Variants in COG5 observed in about 807,000 individuals in gnomAD.
COG5 encodes conserved oligomeric Golgi complex subunit 5.
COG5 carries 86 observed loss-of-function variants against 110.4 expected under a neutral mutation model. That is an observed-to-expected ratio of 0.78 (90% confidence interval 0.65 to 0.93). The LOEUF (loss-of-function observed/expected upper bound fraction) is 0.93, where lower values mean the gene tolerates loss of function less well. COG5 is among the 40% of genes least tolerant of loss of function. The probability of loss-of-function intolerance (pLI) is 0.00; values close to 1 mark genes in which losing one functional copy is unlikely to be tolerated. For synonymous variants in COG5, 360 were observed against 334.6 expected, an observed-to-expected ratio of 1.08 and a Z score of -0.83; for missense variants, 1,077 against 987.0, an observed-to-expected ratio of 1.09 and a Z score of -1.22.
chr7:107,273,116 C>A (rs1033826920), intron 14 of COG5, among the ~76,000 whole-genome samples: 1 of 152,156 alleles, frequency 6.6e-6, no homozygotes, highest in African/African-American at 2.4e-5. Flanking sequence ...CAATTCAGAA[C>A]CCTATCTACT....
At chr7:107,352,788 G>T (rs1405239892) in intron 10 of COG5, among the ~76,000 whole-genome samples, 1 of 152,084 alleles carries the variant, frequency 6.6e-6, no homozygotes, top group Non-Finnish European at 1.5e-5. Context: ...TTAGTTTAAT[G>T]CATCCTATAC....
At chr7:107,353,285 C>T (rs937725109) in intron 10 of COG5, among the ~76,000 whole-genome samples, 1 of 151,604 alleles carries the variant, frequency 6.6e-6, no homozygotes, top group African/African-American at 2.4e-5. Flanking sequence ...ATTAGCCGGG[C>T]GAGGTGGCGG....
At chr7:107,240,907 T>C (rs1584560258) in intron 17 of COG5, among the ~76,000 whole-genome samples, 1 of 152,312 alleles carries the variant, frequency 6.6e-6, no homozygotes, top group East Asian at 1.9e-4. Context: ...GACTGCTGTA[T>C]ACATGAATCT....
At chr7:107,205,661 G>C (rs1440573999) in intron 21 of COG5, among the ~76,000 whole-genome samples, 1 of 152,154 alleles carries the variant, frequency 6.6e-6, no homozygotes, top group African/African-American at 2.4e-5. Flanking sequence ...CTTATCCTTA[G>C]AATACCCTTC....
intron 19 of COG5, among the ~76,000 whole-genome samples, chr7:107,224,958 TA>T (rs1272962294): frequency 6.6e-6 from 1 of 152,246 alleles, no homozygotes; most frequent in Non-Finnish European, 1.5e-5. Context: ...AATAGTCCAC[TA>T]ATATCACCAT....
chr7:107,263,829 C>T (rs185259841), intron 14 of COG5, among the ~76,000 whole-genome samples: 13 of 152,222 alleles, frequency 8.5e-5, no homozygotes, highest in Admixed American at 4.6e-4. Flanking sequence ...GCTATAATAA[C>T]ATGAAGAATG....
At chr7:107,462,068 G>A (rs978719480) in intron 6 of COG5, among the ~76,000 whole-genome samples, 4 of 152,078 alleles carry the variant, frequency 2.6e-5, no homozygotes, top group Non-Finnish European at 4.4e-5. Context: ...AAAAGAACAA[G>A]GGAAAAACAA....
At chr7:107,372,220 CTAA>C (rs1814239247) in intron 8 of COG5, among the ~76,000 whole-genome samples, 1 of 152,140 alleles carries the variant, frequency 6.6e-6, no homozygotes, top group African/African-American at 2.4e-5. Context: ...GTCCAGAAAG[CTAA>C]AGTAGAGACG....
chr7:107,494,788 G>T (rs543570482), intron 6 of COG5, among the ~76,000 whole-genome samples: 1 of 152,182 alleles, frequency 6.6e-6, no homozygotes, highest in South Asian at 2.1e-4. Flanking sequence ...TCCAAGTCTG[G>T]TCATTTTTGT....
At chr7:107,410,937 A>G (rs1293848323) in intron 7 of COG5, among the ~76,000 whole-genome samples, 1 of 152,124 alleles carries the variant, frequency 6.6e-6, no homozygotes, top group African/African-American at 2.4e-5. Flanking sequence ...AGGGCACTAG[A>G]CTCAAGTTTG....
At chr7:107,370,008 C>A (rs1343526535) in intron 8 of COG5, among the ~76,000 whole-genome samples, 1 of 151,992 alleles carries the variant, frequency 6.6e-6, no homozygotes, top group African/African-American at 2.4e-5. Context: ...ATTCTTTATC[C>A]ATTTTTTTCT....
At chr7:107,228,306 C>CAAA (rs201009011) in intron 19 of COG5, among the ~76,000 whole-genome samples, 703 of 67,472 alleles carry the variant, frequency 0.01, 15 homozygotes, top group African/African-American at 0.037. Context: ...CACCCGGTCT[C>CAAA]AAAAAAAAAA....
intron 6 of COG5, among the ~76,000 whole-genome samples, chr7:107,463,916 C>G (rs957760348): frequency 6.6e-6 from 1 of 152,060 alleles, no homozygotes; most frequent in Non-Finnish European, 1.5e-5. Context: ...ACCCTGCAGT[C>G]CTCAGTGCCT....
intron 5 of COG5, among the ~76,000 whole-genome samples, chr7:107,529,024 T>TAAAAAAAAA (rs58281094): frequency 0.096 from 9,342 of 97,560 alleles, 406 homozygotes; most frequent in African/African-American, 0.19. Context: ...AATACTTAAA[T>TAAAAAAAAA]AAAAAAAAAA....
chr7:107,425,668 C>T (rs1017144290), intron 6 of COG5, among the ~76,000 whole-genome samples: 1 of 151,906 alleles, frequency 6.6e-6, no homozygotes, highest in Non-Finnish European at 1.5e-5. Flanking sequence ...TATCTACTCT[C>T]TAATCTACAC....
At chr7:107,232,463 C>T (rs1800846610) in intron 18 of COG5, among the ~76,000 whole-genome samples, 1 of 152,118 alleles carries the variant, frequency 6.6e-6, no homozygotes, top group Non-Finnish European at 1.5e-5. Context: ...GTGTTTTTGT[C>T]AATTTCTCAA....
At chr7:107,366,666 C>T (rs1265579587) in intron 8 of COG5, among the ~76,000 whole-genome samples, 1 of 152,052 alleles carries the variant, frequency 6.6e-6, no homozygotes, top group Non-Finnish European at 1.5e-5. Context: ...TTCTCTAATA[C>T]AACACTAAAA....
chr7:107,306,269 G>C (rs1006039974), intron 11 of COG5, among the ~76,000 whole-genome samples: 8 of 152,026 alleles, frequency 5.3e-5, no homozygotes, highest in African/African-American at 1.9e-4. Flanking sequence ...AAGAGTACCA[G>C]AACAAAACAC....
intron 6 of COG5, among the ~76,000 whole-genome samples, chr7:107,423,389 A>C (rs1264375620): frequency 6.6e-6 from 1 of 152,198 alleles, no homozygotes; most frequent in African/African-American, 2.4e-5. Context: ...TAGCAAAACG[A>C]CCAGAGCTCA....
Sources: gnomAD v4.1 joint callset for allele counts (sites outside exome capture counted in the v4.1 genomes callset) on GRCh38, gnomAD v4.1.1 for gene constraint, MANE v1.5 for transcripts, NCBI Gene and HGNC (gene_info 2026-07-23, HGNC 2026-07-21) for gene names.